ATP9A: variants seen among roughly 807,000 people sequenced by gnomAD.
ATP9A encodes the protein probable phospholipid-transporting ATPase IIA.
A neutral mutation model predicts 144.1 loss-of-function variants in ATP9A; 52 were observed. The observed-to-expected ratio is 0.36, with a 90% CI of 0.29 to 0.45. ATP9A has a LOEUF of 0.45. ATP9A is among the 20% of genes least tolerant of loss of function. The pLI is 1.00. For synonymous variants in ATP9A, 582 were observed against 557.4 expected (o/e 1.04, Z -0.62); for missense variants, 947 against 1,392.7 (o/e 0.68, Z 5.09).
intron 9 of ATP9A, among the ~76,000 whole-genome samples, chr20:51,681,707 C>A (rs1475744433): frequency 6.6e-6 from 1 of 152,146 alleles, no homozygotes; most frequent in Non-Finnish European, 1.5e-5. Flanking sequence ...CAGGCGTGAG[C>A]CACCGCGCCC....
chr20:51,640,912 G>A (rs1174819970), intron 14 of ATP9A, among the ~76,000 whole-genome samples: 2 of 152,108 alleles, frequency 1.3e-5, no homozygotes, highest in African/African-American at 2.4e-5. Context: ...ACTTCTCCCC[G>A]AGACGGCCTA....
chr20:51,697,397 A>G (rs1455541760), intron 5 of ATP9A, 27 bp downstream of exon 5: 5 of 1,609,968 alleles, frequency 3.1e-6, no homozygotes, highest in Non-Finnish European at 4.2e-6. Flanking sequence ...AGTGGTATCC[A>G]CACACAAGCT....
At chr20:51,726,566 ATG>A (rs1329587131) in intron 2 of ATP9A, among the ~76,000 whole-genome samples, 2 of 152,002 alleles carry the variant, frequency 1.3e-5, no homozygotes, top group Non-Finnish European at 2.9e-5. Flanking sequence ...CAACTATGTT[ATG>A]TGTGTTTTGG....
At chr20:51,657,503 C>T (rs2077392353) in intron 13 of ATP9A, among the ~76,000 whole-genome samples, 1 of 152,090 alleles carries the variant, frequency 6.6e-6, no homozygotes, top group Non-Finnish European at 1.5e-5. Flanking sequence ...CAGAGCAGGG[C>T]TTCCCCACTT....
intron 3 of ATP9A, among the ~76,000 whole-genome samples, chr20:51,725,005 A>C (rs747380560): frequency 2.0e-5 from 3 of 152,182 alleles, no homozygotes; most frequent in Non-Finnish European, 4.4e-5. Context: ...CTTACCAGTT[A>C]AGCATCTCAA....
At chr20:51,731,860 CTAGT>C (rs2077743116) in intron 1 of ATP9A, among the ~76,000 whole-genome samples, 1 of 152,178 alleles carries the variant, frequency 6.6e-6, no homozygotes, top group Non-Finnish European at 1.5e-5. Flanking sequence ...GTCACAGCTG[CTAGT>C]TCCACCAAGA....
At chr20:51,737,741 A>C (rs962844378) in intron 1 of ATP9A, among the ~76,000 whole-genome samples, 1 of 152,202 alleles carries the variant, frequency 6.6e-6, no homozygotes, top group African/African-American at 2.4e-5. Flanking sequence ...ATATTAACTA[A>C]GCAAAAAACT....
chr20:51,658,771 C>T (rs548414960), intron 13 of ATP9A, among the ~76,000 whole-genome samples: 76 of 151,722 alleles, frequency 5.0e-4, no homozygotes, highest in African/African-American at 1.7e-3. Flanking sequence ...CCGCCTGCCT[C>T]GGCCTCCCAA....
chr20:51,679,712 C>T (rs570358514), intron 9 of ATP9A, among the ~76,000 whole-genome samples: 13 of 152,300 alleles, frequency 8.5e-5, no homozygotes, highest in African/African-American at 3.1e-4. Flanking sequence ...AGGTCATGGT[C>T]AGGCATTTCA....
At chr20:51,765,163 C>T (rs2077898142) in intron 1 of ATP9A, among the ~76,000 whole-genome samples, 1 of 152,142 alleles carries the variant, frequency 6.6e-6, no homozygotes, top group Non-Finnish European at 1.5e-5. Flanking sequence ...CCACTTTAGC[C>T]CTCACGCTGC....
At chr20:51,649,600 T>C (rs1030969973) in intron 14 of ATP9A, among the ~76,000 whole-genome samples, 2 of 152,222 alleles carry the variant, frequency 1.3e-5, no homozygotes, top group Admixed American at 1.3e-4. Context: ...GAGGCTGAGG[T>C]GCAGCAATGA....
intron 4 of ATP9A, among the ~76,000 whole-genome samples, chr20:51,708,856 C>A (rs1027548266): frequency 6.6e-6 from 1 of 152,134 alleles, no homozygotes; most frequent in African/African-American, 2.4e-5. Flanking sequence ...TTCGAAATGT[C>A]AAGATCACGA....
In ATP9A at chr20:51,682,048, G is replaced by C. The variant is rs187202030; in HGVS notation, c.800-5840C>G. Among the ~76,000 whole-genome samples, 4 of 152,010 alleles carry C rather than the reference G, an allele frequency of 2.6e-5. No individual in the cohort carries two copies. In the East Asian group the frequency reaches 7.8e-4, roughly 29 times the overall value. On this transcript the variant is annotated intron_variant, in intron 9 of 27. Coordinates refer to ENST00000338821, the MANE Select transcript of ATP9A (RefSeq NM_006045.3). ...TGATAATATCCTGTTTCTTGATCTG[G>C]GTGCTAGTCACACAAATGTGTTACC...
chr20:51,625,309 G>C lies in ATP9A; in HGVS notation c.1899C>G (p.Ala633=). Reference sequence around the variant, plus strand: ...CCATCTCCAGGCTCTCGATCACCGTGGCCACTTTGAGGGAGCGGTCGTGCA... The same window carrying C: ...CCATCTCCAGGCTCTCGATCACCGTCGCCACTTTGAGGGAGCGGTCGTGCA... ...LSVHDRSLKV[A]TVIESLEMEM... is the part of the protein sequence containing the mutation. The change falls in exon 18 of 28, where the codon GCC becomes GCG. Residue 633 remains alanine, a synonymous_variant. Coordinates refer to ENST00000338821, the MANE Select transcript of ATP9A (RefSeq NM_006045.3). 1 of 1,614,200 alleles carries C rather than the reference G, an allele frequency of 6.2e-7. No individual in the cohort carries two copies. The highest frequency in any genetic ancestry group is 8.5e-7 in the Non-Finnish European group (1 of 1,180,026).
At chr20:51,643,293 GT>G (rs907349077) in intron 14 of ATP9A, among the ~76,000 whole-genome samples, 15 of 152,016 alleles carry the variant, frequency 9.9e-5, no homozygotes, top group African/African-American at 3.1e-4. Context: ...TTTATTTTGT[GT>G]TTTTTTAGTT....
intron 1 of ATP9A, among the ~76,000 whole-genome samples, chr20:51,764,547 A>G (rs1251377301): frequency 6.6e-6 from 1 of 152,194 alleles, no homozygotes; most frequent in Non-Finnish European, 1.5e-5. Context: ...CCCCTATGAC[A>G]TGTGGCATCG....
In ATP9A at chr20:51,689,127, G is replaced by A. The variant is rs758888409; in HGVS notation, c.736C>T (p.Pro246Ser). 1 of 1,613,942 alleles carries A rather than the reference G, an allele frequency of 6.2e-7. No homozygotes were observed. Among genetic ancestry groups the A allele is most frequent in the Non-Finnish European group, 8.5e-7 (1 of 1,179,958 alleles). The stretch of plus-strand genomic sequence containing the variant: ...ATGCTCAGGCTCTCGCTGATCGGGG[G>A]GTCGCTGTCTTCCTGGAAAAGACCA... ...VGTFTREDSDPPISESLSIEN... is the reference protein window; with the variant it reads ...VGTFTREDSDSPISESLSIEN... Residue 246 changes from proline (P) to serine (S), a missense_variant, in exon 9 of 28, where the codon CCC becomes TCC. This residue lies in a region of ATP9A where 770 missense variants were observed against 1,047.9 expected (regional missense o/e 0.73). Coordinates refer to ENST00000338821, the MANE Select transcript of ATP9A (RefSeq NM_006045.3).
At chr20:51,676,099 GC>G in intron 10 of ATP9A, 32 bp downstream of exon 10, 1 of 1,560,660 alleles carries the variant, frequency 6.4e-7, no homozygotes, top group Non-Finnish European at 8.8e-7. Flanking sequence ...CCAGCCCACA[GC>G]CGGTCAATGT....
At chr20:51,635,127 T>C (rs1243651035) in intron 15 of ATP9A, among the ~76,000 whole-genome samples, 3 of 152,174 alleles carry the variant, frequency 2.0e-5, no homozygotes, top group Admixed American at 6.5e-5. Flanking sequence ...CAGAAGACTG[T>C]GACTGCCATC....
Sources: gnomAD v4.1 joint callset for allele counts (sites outside exome capture counted in the v4.1 genomes callset) on GRCh38, gnomAD v4.1.1 for gene constraint, gnomAD v4.1.1 regional missense constraint, MANE v1.5 for transcripts, NCBI Gene and HGNC (gene_info 2026-07-23, HGNC 2026-07-21) for gene names.